Variants in CDYL2 observed in about 807,000 individuals in gnomAD.
The protein encoded by CDYL2 is chromodomain Y-like protein 2.
In CDYL2, 23 loss-of-function variants were observed where a neutral mutation model predicts 49.4. That is an observed-to-expected ratio of 0.47 (90% CI 0.34 to 0.66). The LOEUF is 0.66. CDYL2 is among the 30% of genes least tolerant of loss of function. The pLI is 0.01. For synonymous variants in CDYL2, 360 were observed against 268.8 expected, an observed-to-expected ratio of 1.34 and a Z score of -3.32; for missense variants, 678 against 656.4, an observed-to-expected ratio of 1.03 and a Z score of -0.36.
chr16:80,640,498 T>C (rs1908036143), intron 2 of CDYL2, among the ~76,000 whole-genome samples: 1 of 152,036 alleles, frequency 6.6e-6, no homozygotes. Flanking sequence ...CACATTCCCA[T>C]CTGTGGCGGC....
chr16:80,782,052 A>G (rs979956795), intron 1 of CDYL2, among the ~76,000 whole-genome samples: 2 of 151,992 alleles, frequency 1.3e-5, no homozygotes, highest in Non-Finnish European at 2.9e-5. Flanking sequence ...AGATTAGCAT[A>G]AAGTAGAGAA....
intron 1 of CDYL2, among the ~76,000 whole-genome samples, chr16:80,791,001 G>T (rs1012050623): frequency 2.6e-5 from 4 of 152,218 alleles, no homozygotes; most frequent in African/African-American, 4.8e-5. Flanking sequence ...CTTCAACAGA[G>T]TATATGAGGC....
intron 3 of CDYL2, among the ~76,000 whole-genome samples, chr16:80,630,199 A>G (rs183349117): frequency 3.4e-4 from 52 of 152,348 alleles, no homozygotes; most frequent in Non-Finnish European, 7.1e-4. Context: ...TACCAGATCA[A>G]TAACTTTGAC....
Position 80,612,414 on chromosome 16 carries a change from T to C in CDYL2, c.1218+212A>G, listed in dbSNP as rs116606365. ...GGAGTGAGGAATAATTGAGACGCCA[T>C]GCAGAGTGCATGGTCCATACACTGA... On this transcript the variant is annotated intron_variant, in intron 5 of 6. Coordinates refer to ENST00000570137, the MANE Select transcript of CDYL2 (RefSeq NM_152342.4). This position sits in a 1 kb window ranked among gnomAD's most constrained non-coding sequence, Gnocchi z 5.0. Among the ~76,000 whole-genome samples the C allele has an allele frequency of 1.3e-5, 2 of 152,128 alleles. No homozygotes were observed. The highest frequency in any genetic ancestry group is 2.4e-5 in the African/African-American group (1 of 41,412).
At chr16:80,674,050 C>A (rs1306816039) in intron 2 of CDYL2, among the ~76,000 whole-genome samples, 1 of 152,196 alleles carries the variant, frequency 6.6e-6, no homozygotes, top group East Asian at 1.9e-4. Flanking sequence ...AGATTTCTGA[C>A]TCCAGAACTA....
intron 1 of CDYL2, among the ~76,000 whole-genome samples, chr16:80,787,280 G>C (rs1417642784): frequency 1.3e-5 from 2 of 152,106 alleles, no homozygotes; most frequent in Non-Finnish European, 2.9e-5. Context: ...AGAGGTCTTG[G>C]GGACAGAATT....
intron 1 of CDYL2, among the ~76,000 whole-genome samples, chr16:80,800,933 G>C (rs1907907386): frequency 6.6e-6 from 1 of 152,194 alleles, no homozygotes; most frequent in Non-Finnish European, 1.5e-5. Flanking sequence ...CCCAGTGAAT[G>C]ATTTAAGAAG....
At chr16:80,785,501 T>C (rs1190812349) in intron 1 of CDYL2, among the ~76,000 whole-genome samples, 1 of 152,284 alleles carries the variant, frequency 6.6e-6, no homozygotes, top group East Asian at 1.9e-4. Context: ...TGCTCATGGA[T>C]AGGAAGAATC....
intron 1 of CDYL2, among the ~76,000 whole-genome samples, chr16:80,720,947 A>C (rs1480116680): frequency 1.3e-5 from 2 of 152,220 alleles, no homozygotes; most frequent in African/African-American, 2.4e-5. Context: ...TAAAATAACC[A>C]GAAAGAACCC....
intron 1 of CDYL2, among the ~76,000 whole-genome samples, chr16:80,721,700 C>T (rs1044189724): frequency 6.6e-6 from 1 of 152,188 alleles, no homozygotes; most frequent in Admixed American, 6.5e-5. Flanking sequence ...ATCAAGCATG[C>T]CTAACAATGG....
chr16:80,713,341 A>G (rs1203135997), intron 1 of CDYL2, among the ~76,000 whole-genome samples: 1 of 152,230 alleles, frequency 6.6e-6, no homozygotes, highest in Non-Finnish European at 1.5e-5. Flanking sequence ...CAAGAGACTC[A>G]ATCAGATTGT....
At chr16:80,788,893 C>A (rs1326961400) in intron 1 of CDYL2, among the ~76,000 whole-genome samples, 4 of 151,974 alleles carry the variant, frequency 2.6e-5, no homozygotes, top group African/African-American at 9.7e-5. Flanking sequence ...CTCAACTCAA[C>A]AAGAAAAAAA....
intron 6 of CDYL2, among the ~76,000 whole-genome samples, chr16:80,605,846 T>G (rs1363645534): frequency 6.6e-6 from 1 of 152,222 alleles, no homozygotes; most frequent in Non-Finnish European, 1.5e-5. Flanking sequence ...ATGATAACCC[T>G]GCAAGTAAGT....
At chr16:80,685,646 T>C (rs1910160115) in intron 1 of CDYL2, among the ~76,000 whole-genome samples, 1 of 152,188 alleles carries the variant, frequency 6.6e-6, no homozygotes. Context: ...CCAGACACTA[T>C]ACTAAATGCT....
rs561662773 is a variant in CDYL2, at chr16:80,614,425, C to G, written c.1008-1589G>C. On this transcript the variant is annotated intron_variant, in intron 4 of 6. Coordinates refer to ENST00000570137, the MANE Select transcript of CDYL2 (RefSeq NM_152342.4). ...GCAGTCTTGGAAGACATTTGCCGAG[C>G]CACAAGATGGAAGAAGTCTAGGTTC... is the stretch of plus-strand genomic sequence containing the variant. 2.6e-5 allele frequency among the ~76,000 whole-genome samples: 4 copies of G among 152,288 alleles called. No individual in the cohort carries two copies. In the South Asian group the frequency reaches 8.3e-4, roughly 32 times the overall value.
chr16:80,804,616 C>G (rs1238908629), upstream of CDYL2, among the ~76,000 whole-genome samples: 2 of 144,988 alleles, frequency 1.4e-5, no homozygotes, highest in Non-Finnish European at 1.5e-5. Flanking sequence ...TCCCCGCCCC[C>G]CGGGAGCCCG....
intron 1 of CDYL2, among the ~76,000 whole-genome samples, chr16:80,794,549 A>G (rs1907709289): frequency 6.7e-6 from 1 of 149,676 alleles, no homozygotes; most frequent in Non-Finnish European, 1.5e-5. Context: ...AATATGGTAT[A>G]TTAAACCATA....
At chr16:80,643,459 A>G (rs1321095539) in intron 2 of CDYL2, among the ~76,000 whole-genome samples, 3 of 152,208 alleles carry the variant, frequency 2.0e-5, no homozygotes, top group Non-Finnish European at 2.9e-5. Flanking sequence ...CAGCTCCACT[A>G]GGCGGTGCCT....
At chr16:80,689,470 G>C (rs181070836) in intron 1 of CDYL2, among the ~76,000 whole-genome samples, 5 of 152,324 alleles carry the variant, frequency 3.3e-5, no homozygotes, top group Admixed American at 3.3e-4. Context: ...GAGGCTCAGA[G>C]AAGGTAGGTA....
Sources: gnomAD v4.1 joint callset for allele counts (sites outside exome capture counted in the v4.1 genomes callset) on GRCh38, gnomAD v4.1.1 for gene constraint, Gnocchi (gnomAD v3.1) non-coding constraint, MANE v1.5 for transcripts, NCBI Gene and HGNC (gene_info 2026-07-23, HGNC 2026-07-21) for gene names.